The following RGS3 variants were observed in gnomAD, a reference collection of about 807,000 sequenced individuals.
RGS3 encodes regulator of G protein signaling 3, also known as regulator of G-protein signalling 3.
A neutral mutation model predicts 132.6 loss-of-function variants in RGS3; 80 were observed. The observed-to-expected ratio is 0.60, with a 90% CI of 0.50 to 0.73. The LOEUF is 0.73. RGS3 is among the 30% of genes least tolerant of loss of function. The pLI is 0.00. For missense variants in RGS3, 1,382 were observed against 1,530.8 expected (o/e 0.90, Z 1.62); for synonymous variants, 598 against 620.6 (o/e 0.96, Z 0.54).
chr9:113,519,127 C>A (rs944494905), intron 16 of RGS3, among the ~76,000 whole-genome samples: 2 of 152,142 alleles, frequency 1.3e-5, no homozygotes, highest in African/African-American at 4.8e-5. Context: ...GCACGATTGT[C>A]CCCACTCTGT....
chr9:113,476,019 G>C (rs1404356736), intron 3 of RGS3, among the ~76,000 whole-genome samples: 1 of 148,862 alleles, frequency 6.7e-6, no homozygotes, highest in Non-Finnish European at 1.5e-5. Flanking sequence ...TTCACTGTGG[G>C]CTCAACCTCC....
chr9:113,455,741 C>T (rs116445498), upstream of RGS3, among the ~76,000 whole-genome samples: 250 of 152,230 alleles, frequency 1.6e-3, 2 homozygotes, highest in African/African-American at 5.5e-3. Flanking sequence ...ACAATTAACC[C>T]AAAGATACCA....
intron 19 of RGS3, chr9:113,581,671 C>T (rs149778894): frequency 6.6e-6 from 1 of 152,402 alleles, no homozygotes; most frequent in Non-Finnish European, 1.5e-5. Context: ...TGGTGACTGG[C>T]TCTACCTGAC....
intron 14 of RGS3, among the ~76,000 whole-genome samples, chr9:113,511,600 A>T (rs1831405476): frequency 6.6e-6 from 1 of 152,078 alleles, no homozygotes; most frequent in South Asian, 2.1e-4. Flanking sequence ...GGCTGAGCCG[A>T]CTTTTCCTCT....
At chr9:113,508,458 T>C in intron 13 of RGS3, 83 bp from the exon 12 acceptor site, 1 of 1,529,810 alleles carries the variant, frequency 6.5e-7, no homozygotes, top group South Asian at 1.1e-5. Context: ...TCCTCTCCCC[T>C]GGGGCCCCCG....
At chr9:113,582,281 C>A in intron 19 of RGS3, 1 of 824,066 alleles carries the variant, frequency 1.2e-6, no homozygotes, top group Non-Finnish European at 1.5e-6. Context: ...TCTCATCCAT[C>A]AAATGGACAT....
At chr9:113,499,496 A>G (rs1830797917) in intron 10 of RGS3, among the ~76,000 whole-genome samples, 1 of 152,230 alleles carries the variant, frequency 6.6e-6, no homozygotes, top group African/African-American at 2.4e-5. Flanking sequence ...CTAGCTGGGA[A>G]TATAAGACAT....
At chr9:113,563,795 G>A (rs1414279170) in intron 19 of RGS3, among the ~76,000 whole-genome samples, 1 of 152,226 alleles carries the variant, frequency 6.6e-6, no homozygotes, top group Non-Finnish European at 1.5e-5. Flanking sequence ...GCTTGTGTAT[G>A]TGAGAGAGTC....
chr9:113,531,654 T>C (rs529595149), intron 18 of RGS3, among the ~76,000 whole-genome samples: 5 of 152,380 alleles, frequency 3.3e-5, no homozygotes, highest in African/African-American at 1.2e-4. Context: ...ATAGCTCATA[T>C]TCTTTGTAAT....
rs148769891 is a variant in RGS3 at position 113,452,926 on chromosome 9, A to G, written c.-12-7319A>G. 1.2e-4 allele frequency among the ~76,000 whole-genome samples: 16 copies of G among 134,390 alleles called. 1 individual carries two copies. Among genetic ancestry groups the G allele is most frequent in the Middle Eastern group, 3.8e-3 (1 of 266 alleles). The allele number at this position is 134,390 out of a possible 152,430, so 88.2% of individuals were successfully genotyped here. On this transcript the variant is annotated intron_variant, in intron 1 of 25. Coordinates refer to the RGS3 transcript ENST00000374140. Reference sequence around the variant, plus strand: ...AAATATATATTATATATTTATATATAATATATAAATAAAATATATTTATAT... The same window carrying G: ...AAATATATATTATATATTTATATATGATATATAAATAAAATATATTTATAT...
chr9:113,540,640 G>A (rs774661388), intron 19 of RGS3, among the ~76,000 whole-genome samples: 37 of 152,230 alleles, frequency 2.4e-4, no homozygotes, highest in Non-Finnish European at 4.7e-4. Flanking sequence ...GATGAGAAGG[G>A]CAGACACAGT....
chr9:113,570,545 C>G (rs1432267356), intron 19 of RGS3, among the ~76,000 whole-genome samples: 1 of 146,318 alleles, frequency 6.8e-6, no homozygotes, highest in East Asian at 1.9e-4. Flanking sequence ...GAATTTTCCA[C>G]AAAGCGTACC....
At chr9:113,584,887 T>C (rs978580206) in intron 20 of RGS3, among the ~76,000 whole-genome samples, 1 of 152,226 alleles carries the variant, frequency 6.6e-6, no homozygotes, top group African/African-American at 2.4e-5. Flanking sequence ...AAGTAGATAG[T>C]ATTTTTGTGC....
At chr9:113,548,311 T>C (rs181756179) in intron 19 of RGS3, among the ~76,000 whole-genome samples, 1 of 152,250 alleles carries the variant, frequency 6.6e-6, no homozygotes, top group East Asian at 1.9e-4. Context: ...CCTTGGGAAA[T>C]GTAAGTCACT....
At chr9:113,561,652 G>T (rs945097875) in intron 19 of RGS3, among the ~76,000 whole-genome samples, 3 of 150,370 alleles carry the variant, frequency 2.0e-5, no homozygotes, top group African/African-American at 7.4e-5. Context: ...GACCTCCTGG[G>T]CTCAAATGAT....
chr9:113,544,502 C>G (rs1207554765), intron 19 of RGS3, among the ~76,000 whole-genome samples: 6 of 152,142 alleles, frequency 3.9e-5, no homozygotes, highest in Admixed American at 2.6e-4. Context: ...CCCATAAATT[C>G]TATTACCAAA....
chr9:113,593,682 C>G, intron 21 of RGS3: 1 of 555,278 alleles, frequency 1.8e-6, no homozygotes, highest in East Asian at 3.1e-5. Flanking sequence ...TACAGGGGGT[C>G]TAGGGAAAAG....
chr9:113,559,594 A>G (rs928428065), intron 19 of RGS3, among the ~76,000 whole-genome samples: 100 of 152,222 alleles, frequency 6.6e-4, no homozygotes, highest in African/African-American at 2.3e-3. Flanking sequence ...GCTGAGAAAG[A>G]GGCAGATAGC....
At chr9:113,566,662 A>G (rs1299943061) in intron 19 of RGS3, among the ~76,000 whole-genome samples, 1 of 152,206 alleles carries the variant, frequency 6.6e-6, no homozygotes, top group Non-Finnish European at 1.5e-5. Flanking sequence ...TCAGCTTCAA[A>G]TCTGACCTTC....
Sources: gnomAD v4.1 joint callset for allele counts (sites outside exome capture counted in the v4.1 genomes callset) on GRCh38, gnomAD v4.1.1 for gene constraint, MANE v1.5 for transcripts, NCBI Gene and HGNC (gene_info 2026-07-23, HGNC 2026-07-21) for gene names.